The following MYO18A variants were observed in gnomAD, a reference collection of about 807,000 sequenced individuals.
The protein encoded by MYO18A is unconventional myosin-XVIIIa.
In MYO18A, 78 loss-of-function variants were observed where a neutral mutation model predicts 235.8. The observed-to-expected ratio is 0.33, with a 90% CI of 0.28 to 0.40. The LOEUF is 0.40. Ranked by LOEUF, MYO18A falls within the 10% of genes least tolerant of loss-of-function variation. The pLI is 1.00. For synonymous variants in MYO18A, 977 were observed against 1,077.8 expected, an observed-to-expected ratio of 0.91 and a Z score of 1.83; for missense variants, 2,215 against 2,699.3, an observed-to-expected ratio of 0.82 and a Z score of 3.98.
Position 29,092,885 on chromosome 17 carries a change from G to T in MYO18A, c.5043C>A (p.Ser1681Arg). 6.2e-7 allele frequency: 1 copy of T among 1,613,928 alleles called. No individual in the cohort carries two copies. The highest frequency in any genetic ancestry group is 8.5e-7 in the Non-Finnish European group (1 of 1,179,896). ...MLDHLKNSAPSKREIAQLKNQ... is the reference protein window; with the variant it reads ...MLDHLKNSAPRKREIAQLKNQ... ...TCTTGAGCTGGGCAATCTCTCGCTT[G>T]CTGGGAGCACTGTTCTTCAGGTGGT... Residue 1681 changes from serine to arginine, a missense_variant, in exon 33 of 42, where the codon AGC (serine) becomes AGA (arginine). Transcript: ENST00000527372.
rs1441279225 is a variant in MYO18A at position 29,106,902 on chromosome 17, G to A, written c.3441+178C>T. Among the ~76,000 whole-genome samples, 1 of 152,172 alleles carries A rather than the reference G, an allele frequency of 6.6e-6. No individual in the cohort carries two copies. Among genetic ancestry groups the A allele is most frequent in the Admixed American group, 6.5e-5 (1 of 15,276 alleles). On this transcript the variant is annotated intron_variant, in intron 20 of 41. Transcript: ENST00000527372. The surrounding 1 kb of genome is among the most constrained non-coding windows in gnomAD (Gnocchi z 4.6). Reference sequence around the variant, plus strand: ...CAGCTCAGGCCTCCAAGGAGGGGGTGGCTCTTCTCCAGCTCCTATGGTCTG... The same window carrying A: ...CAGCTCAGGCCTCCAAGGAGGGGGTAGCTCTTCTCCAGCTCCTATGGTCTG...
chr17:29,092,989 C>T lies in MYO18A; in HGVS notation c.4939G>A (p.Asp1647Asn), dbSNP rs1346858836. The part of the protein sequence containing the change: ...ATLSDQVNRR[D>N]FESEKRLRKD... ...CGCAGCCGCTTCTCTGACTCAAAGTCCCGCCGGTTCACCTGGGTGGGCACC... is the reference window on the plus strand; with the variant it reads ...CGCAGCCGCTTCTCTGACTCAAAGTTCCGCCGGTTCACCTGGGTGGGCACC... Residue 1647 changes from aspartate to asparagine, a missense_variant, in exon 33 of 42, where the codon GAC becomes AAC. Physicochemically the swap from Asp to Asn is conservative, Grantham distance 23. Coordinates refer to ENST00000527372, the MANE Select transcript of MYO18A (RefSeq NM_078471.4). 8.7e-6 allele frequency: 14 copies of T among 1,613,118 alleles called. No homozygotes were observed. Among genetic ancestry groups the T allele is most frequent in the Non-Finnish European group, 1.2e-5 (14 of 1,179,788 alleles).
intron 41 of MYO18A, among the ~76,000 whole-genome samples, chr17:29,081,517 C>T (rs1255366061): frequency 2.0e-5 from 3 of 152,072 alleles, no homozygotes; most frequent in African/African-American, 7.2e-5. Flanking sequence ...ACTTTTTCTA[C>T]CCAGTCTACC....
intron 2 of MYO18A, among the ~76,000 whole-genome samples, chr17:29,154,099 A>AGTGTGTGT (rs200703096): frequency 2.7e-5 from 4 of 149,388 alleles, no homozygotes; most frequent in Admixed American, 2.0e-4. Flanking sequence ...TAAATTCTGC[A>AGTGTGTGT]GAGTGTGTGT....
chr17:29,135,092 G>A (rs569347026), intron 2 of MYO18A, among the ~76,000 whole-genome samples: 21 of 151,800 alleles, frequency 1.4e-4, no homozygotes, highest in Admixed American at 1.4e-3. Flanking sequence ...TTTAATAACT[G>A]GTTCTTTTTT....
At position 29,119,382 on chromosome 17, in the gene MYO18A, T is replaced by C. The variant is rs1454672053; in HGVS notation, c.1782A>G (p.Thr594=). ...RVARRPASEA[T]FNVFYYLLAC... ...CCAGCAGGTAGTAGAAGACGTTGAATGTGGCTTCACTGGCTGGGCGCCGAG... is the reference window on the plus strand; with the variant it reads ...CCAGCAGGTAGTAGAAGACGTTGAACGTGGCTTCACTGGCTGGGCGCCGAG... The change falls in exon 8 of 42, where the codon ACA becomes ACG. Residue 594 remains threonine (T), a synonymous_variant. Coordinates refer to ENST00000527372, the MANE Select transcript of MYO18A (RefSeq NM_078471.4). The C allele has an allele frequency of 1.9e-6, 3 of 1,612,648 alleles. No homozygotes were observed. The highest frequency in any genetic ancestry group is 2.7e-5 in the African/African-American group (2 of 74,874).
At chr17:29,107,304 G>C in intron 19 of MYO18A, 115 bp from the exon 20 acceptor site, 1 of 940,912 alleles carries the variant, frequency 1.1e-6, no homozygotes. Flanking sequence ...GAAACTGCAG[G>C]GGGTGGGGAG....
chr17:29,104,365 T>G (rs996585209), intron 20 of MYO18A, among the ~76,000 whole-genome samples: 1 of 152,130 alleles, frequency 6.6e-6, no homozygotes, highest in Non-Finnish European at 1.5e-5. Flanking sequence ...GATACGGGGA[T>G]AGGGTATGTA....
In MYO18A at chr17:29,158,115, C is replaced by T. The variant is rs560384638; in HGVS notation, c.999+7827G>A. Among the ~76,000 whole-genome samples, 1 of 152,218 alleles carries T rather than the reference C, an allele frequency of 6.6e-6. No individual in the cohort carries two copies. Among genetic ancestry groups the T allele is most frequent in the South Asian group, 2.1e-4 (1 of 4,822 alleles). On this transcript the variant is annotated intron_variant, in intron 2 of 41. Coordinates refer to ENST00000527372, the MANE Select transcript of MYO18A (RefSeq NM_078471.4). This position sits in a 1 kb window ranked among gnomAD's most constrained non-coding sequence, Gnocchi z 4.3. ...TGCCTTGGCTGAGTCTTACCCAGAT[C>T]AATTAAACACCACCTAGGGCACGTG...
intron 2 of MYO18A, among the ~76,000 whole-genome samples, chr17:29,138,849 C>T (rs1247447135): frequency 6.6e-6 from 1 of 152,184 alleles, no homozygotes. Flanking sequence ...TCCCCTGGTT[C>T]ACCTGCACTG....
At position 29,174,675 on chromosome 17, in the gene MYO18A, G is replaced by A. The variant is rs568523096; in HGVS notation, c.-82+5638C>T. On this transcript the variant is annotated intron_variant, in intron 1 of 41. Coordinates refer to ENST00000527372, the MANE Select transcript of MYO18A (RefSeq NM_078471.4). ...ACTAAAAATACAAAACTTTGCCGGC[G>A]TAGTGGCGCACCTGTAATCCCAGCT... Among the ~76,000 whole-genome samples the A allele has an allele frequency of 5.3e-5, 8 of 152,128 alleles. No individual in the cohort carries two copies. The South Asian group carries it at 6.2e-4, about 12-fold the overall frequency.
intron 2 of MYO18A, among the ~76,000 whole-genome samples, chr17:29,141,071 A>T (rs930275927): frequency 2.0e-5 from 3 of 152,252 alleles, no homozygotes; most frequent in Non-Finnish European, 4.4e-5. Flanking sequence ...CACAGGGGAC[A>T]TGCAGAGAAT....
Position 29,090,860 on chromosome 17 carries a change from G to C in MYO18A, c.5254C>G (p.Gln1752Glu). ...NEIQNRLEED[Q>E]EDMNELMKKH... ...TTCATCAATTCGTTCATGTCTTCCT[G>C]ATCTTCCTCCAGCCGGTTCTGGATC... The change falls in exon 35 of 42, where the codon CAG becomes GAG. Residue 1752 changes from glutamine to glutamate, a missense_variant. Gln to Glu is a conservative substitution (Grantham distance 29, BLOSUM62 2). Coordinates refer to ENST00000527372, the MANE Select transcript of MYO18A (RefSeq NM_078471.4). The C allele has an allele frequency of 1.2e-6, 2 of 1,614,066 alleles. No individual in the cohort carries two copies. The highest frequency in any genetic ancestry group is 1.3e-5 in the African/African-American group (1 of 75,072).
intron 41 of MYO18A, chr17:29,080,291 AG>A: frequency 1.0e-6 from 1 of 986,072 alleles, no homozygotes; most frequent in Non-Finnish European, 1.2e-6. Flanking sequence ...GGGTCCAGGT[AG>A]GAGTGACGGC....
chr17:29,166,268 G>A lies in MYO18A; in HGVS notation c.673C>T (p.Arg225Ter), dbSNP rs992325423. Reference protein sequence around the residue: ...PPTLRELELQRRPTGDFGFSL... With the variant: ...PPTLRELELQ ...AAGCCAAAGTCTCCAGTGGGCCGTC[G>A]TTGCAGCTCCAGCTCCCGGAGGGTA... is the stretch of plus-strand genomic sequence containing the variant. The change falls in exon 2 of 42, where the codon CGA becomes TGA. Residue 225 changes from arginine (R) to a stop codon, truncating the protein, a stop_gained. Transcript: ENST00000527372. LOFTEE classifies it high-confidence loss of function. 1.2e-6 allele frequency: 2 copies of A among 1,612,914 alleles called. No individual in the cohort carries two copies. Among genetic ancestry groups the A allele is most frequent in the Non-Finnish European group, 1.7e-6 (2 of 1,179,886 alleles).
chr17:29,107,273 T>C, intron 19 of MYO18A, 84 bp from the exon 20 acceptor site: 1 of 1,327,750 alleles, frequency 7.5e-7, no homozygotes, highest in African/African-American at 1.4e-5. Context: ...GGGCAGTCAG[T>C]GGAGAGTCAC....
In MYO18A at chr17:29,093,009, G is replaced by A; in HGVS notation, c.4927-8C>T. On this transcript the variant is annotated splice_polypyrimidine_tract_variant and splice_region_variant and intron_variant, in intron 32 of 41. Coordinates refer to ENST00000527372, the MANE Select transcript of MYO18A (RefSeq NM_078471.4). ...AAAGTCCCGCCGGTTCACCTGGGTGGGCACCAGCAGTTGGGGTTCTGGGCT... is the reference window on the plus strand; with the variant it reads ...AAAGTCCCGCCGGTTCACCTGGGTGAGCACCAGCAGTTGGGGTTCTGGGCT... 6.2e-7 allele frequency: 1 copy of A among 1,612,130 alleles called. No individual in the cohort carries two copies. Among genetic ancestry groups the A allele is most frequent in the Non-Finnish European group, 8.5e-7 (1 of 1,179,494 alleles).
At chr17:29,116,889 C>T (rs1349727903) in intron 10 of MYO18A, among the ~76,000 whole-genome samples, 1 of 151,962 alleles carries the variant, frequency 6.6e-6, no homozygotes, top group Non-Finnish European at 1.5e-5. Flanking sequence ...AGTGAAGTAA[C>T]TTCCCTCAAC....
chr17:29,142,749 C>T (rs547877574), intron 2 of MYO18A, among the ~76,000 whole-genome samples: 1 of 152,372 alleles, frequency 6.6e-6, no homozygotes, highest in South Asian at 2.1e-4. Flanking sequence ...CTGGTTTAAT[C>T]TTGGCTCTTG....
Sources: gnomAD v4.1 joint callset for allele counts (sites outside exome capture counted in the v4.1 genomes callset) on GRCh38, gnomAD v4.1.1 for gene constraint, Gnocchi (gnomAD v3.1) non-coding constraint, MANE v1.5 for transcripts, NCBI Gene and HGNC (gene_info 2026-07-23, HGNC 2026-07-21) for gene names.